Variants in ARHGAP26 observed in about 807,000 individuals in gnomAD.
ARHGAP26 encodes Rho GTPase activating protein 26, also known as rho GTPase-activating protein 26.
ARHGAP26 carries 38 observed loss-of-function variants against 104.8 expected under a neutral mutation model. That is an observed-to-expected ratio of 0.36 (90% CI 0.28 to 0.48). The LOEUF (loss-of-function observed/expected upper bound fraction) is 0.48. Ranked by LOEUF, ARHGAP26 falls within the 20% of genes least tolerant of loss-of-function variation. The probability of loss-of-function intolerance (pLI) is 0.99; values close to 1 mark genes in which losing one functional copy is unlikely to be tolerated. For synonymous variants in ARHGAP26, 341 were observed against 340.0 expected (o/e 1.00, Z -0.03); for missense variants, 704 against 947.9 (o/e 0.74, Z 3.38).
chr5:143,173,422 G>A (rs1742253758), intron 20 of ARHGAP26, among the ~76,000 whole-genome samples: 1 of 152,164 alleles, frequency 6.6e-6, no homozygotes, highest in South Asian at 2.1e-4. Flanking sequence ...CAGGAGAGCG[G>A]AAAATCACCA....
At chr5:142,832,178 T>C (rs1055330633) in intron 1 of ARHGAP26, among the ~76,000 whole-genome samples, 2 of 152,218 alleles carry the variant, frequency 1.3e-5, no homozygotes, top group Admixed American at 1.3e-4. Context: ...TGAAGTGTTA[T>C]CTGTTTCCCT....
chr5:142,990,426 A>G (rs1775416368), intron 11 of ARHGAP26, among the ~76,000 whole-genome samples: 2 of 152,002 alleles, frequency 1.3e-5, no homozygotes, highest in South Asian at 4.1e-4. Context: ...AGAGAAGTTT[A>G]TTCTTACCGA....
chr5:143,218,471 C>T (rs1810668749), intron 22 of ARHGAP26, among the ~76,000 whole-genome samples: 1 of 152,154 alleles, frequency 6.6e-6, no homozygotes. Context: ...GGGTCTGCAC[C>T]TCTTTTAGTT....
intron 11 of ARHGAP26, among the ~76,000 whole-genome samples, chr5:142,955,126 C>CA (rs561605232): frequency 0.14 from 20,942 of 148,596 alleles, 2,937 homozygotes; most frequent in East Asian, 0.37. Flanking sequence ...ACACACACAC[C>CA]CCCCATCTCT....
At chr5:143,206,883 G>T (rs955724471) in intron 20 of ARHGAP26, among the ~76,000 whole-genome samples, 3 of 152,230 alleles carry the variant, frequency 2.0e-5, no homozygotes, top group African/African-American at 7.2e-5. Context: ...ATAGCACGTG[G>T]GTGTGGGAAC....
At chr5:142,803,955 AC>A (rs1392701254) in intron 1 of ARHGAP26, among the ~76,000 whole-genome samples, 1 of 152,182 alleles carries the variant, frequency 6.6e-6, no homozygotes, top group African/African-American at 2.4e-5. Flanking sequence ...TTGTATCAGC[AC>A]TGGTAGGTGC....
chr5:143,156,846 C>T (rs917662716), intron 20 of ARHGAP26, among the ~76,000 whole-genome samples: 1 of 152,234 alleles, frequency 6.6e-6, no homozygotes, highest in African/African-American at 2.4e-5. Context: ...CCTATTAGCT[C>T]ACCAGGGCTG....
chr5:142,818,401 C>A (rs1346830712), intron 1 of ARHGAP26, among the ~76,000 whole-genome samples: 7 of 152,154 alleles, frequency 4.6e-5, no homozygotes, highest in Non-Finnish European at 8.8e-5. Context: ...GCATTGCTGG[C>A]TGGGGTCAGG....
intron 20 of ARHGAP26, among the ~76,000 whole-genome samples, chr5:143,174,711 C>T (rs1373598204): frequency 6.6e-6 from 1 of 152,048 alleles, no homozygotes; most frequent in African/African-American, 2.4e-5. Flanking sequence ...GTGAATTAGC[C>T]GTCATATGAG....
At chr5:142,965,788 G>C (rs1318806491) in intron 11 of ARHGAP26, among the ~76,000 whole-genome samples, 1 of 152,194 alleles carries the variant, frequency 6.6e-6, no homozygotes, top group Non-Finnish European at 1.5e-5. Context: ...TAGCCTAGGT[G>C]CCATACTTGG....
chr5:143,183,860 A>G (rs1460506251), intron 20 of ARHGAP26, among the ~76,000 whole-genome samples: 4 of 152,290 alleles, frequency 2.6e-5, no homozygotes, highest in Non-Finnish European at 5.9e-5. Flanking sequence ...TGGAGAATAT[A>G]GTAGAAGGGA....
intron 3 of ARHGAP26, among the ~76,000 whole-genome samples, chr5:142,877,763 G>A (rs564720490): frequency 2.6e-5 from 4 of 152,242 alleles, no homozygotes; most frequent in South Asian, 4.1e-4. Flanking sequence ...CTAAGTCCAG[G>A]GATTCTGAGT....
At chr5:142,990,795 A>T (rs541207508) in intron 11 of ARHGAP26, among the ~76,000 whole-genome samples, 1 of 152,166 alleles carries the variant, frequency 6.6e-6, no homozygotes, top group South Asian at 2.1e-4. Flanking sequence ...CAGAACAGCA[A>T]ATGTTGCTTC....
chr5:142,984,226 G>A (rs1435610712), intron 11 of ARHGAP26, among the ~76,000 whole-genome samples: 2 of 152,198 alleles, frequency 1.3e-5, no homozygotes, highest in African/African-American at 2.4e-5. Flanking sequence ...GCCAGAAATC[G>A]CCTGTATATA....
intron 14 of ARHGAP26, among the ~76,000 whole-genome samples, chr5:143,051,340 A>G (rs1198321606): frequency 6.6e-6 from 1 of 152,154 alleles, no homozygotes; most frequent in Non-Finnish European, 1.5e-5. Flanking sequence ...AATTCATGTG[A>G]TAGTAGGTTC....
intron 11 of ARHGAP26, among the ~76,000 whole-genome samples, chr5:142,995,801 G>A (rs978024706): frequency 6.6e-6 from 1 of 152,272 alleles, no homozygotes; most frequent in East Asian, 1.9e-4. Flanking sequence ...AGAAAATATG[G>A]CACATATACA....
At chr5:142,854,780 GGGGTATT>G (rs1752076859) in intron 1 of ARHGAP26, among the ~76,000 whole-genome samples, 1 of 152,210 alleles carries the variant, frequency 6.6e-6, no homozygotes, top group Non-Finnish European at 1.5e-5. Context: ...GAGGCATGTT[GGGGTATT>G]GTGAGACAGC....
intron 11 of ARHGAP26, among the ~76,000 whole-genome samples, chr5:142,970,899 A>G (rs760624012): frequency 2.0e-5 from 3 of 152,216 alleles, no homozygotes; most frequent in African/African-American, 4.8e-5. Flanking sequence ...GAATGAGTCA[A>G]TGAATCAAAG....
intron 17 of ARHGAP26, among the ~76,000 whole-genome samples, chr5:143,116,747 C>T (rs1795504404): frequency 6.6e-6 from 1 of 152,232 alleles, no homozygotes; most frequent in African/African-American, 2.4e-5. Context: ...TCTATTTCCT[C>T]TTAAAGCAAA....
Sources: allele counts gnomAD v4.1 joint callset (sites outside exome capture counted in the v4.1 genomes callset), GRCh38; gene constraint gnomAD v4.1.1; transcripts MANE v1.5; gene names NCBI Gene and HGNC (gene_info 2026-07-23, HGNC 2026-07-21).